Variants in TSC1 observed in about 807,000 individuals in gnomAD.
TSC1 encodes hamartin.
In TSC1, 20 loss-of-function variants were observed where a neutral mutation model predicts 124.3. The ratio of observed to expected loss-of-function variants is 0.16; its 90% CI spans 0.11 to 0.23. The LOEUF is 0.23. Ranked by LOEUF, TSC1 falls within the 10% of genes least tolerant of loss-of-function variation. The probability of loss-of-function intolerance (pLI) is 1.00; values close to 1 mark genes in which losing one functional copy is unlikely to be tolerated. For synonymous variants in TSC1, 493 were observed against 539.1 expected, an observed-to-expected ratio of 0.91 and a Z score of 1.19; for missense variants, 1,124 against 1,448.5, an observed-to-expected ratio of 0.78 and a Z score of 3.64.
chr9:132,942,209 A>C (rs576357266), intron 1 of TSC1: 23 of 152,370 alleles, frequency 1.5e-4, no homozygotes, highest in African/African-American at 5.3e-4. Flanking sequence ...CTATTTTAAG[A>C]AATACCTCTG....
rs1462840114 is a variant in TSC1 at position 132,894,840 on chromosome 9, G to A, written c.*1395C>T. 8.6e-6 allele frequency: 2 copies of A among 231,756 alleles called. No homozygotes were observed. Among genetic ancestry groups the A allele is most frequent in the African/African-American group, 4.4e-5 (2 of 45,262 alleles). The allele number at this position is 231,756 out of a possible 1,614,324, so 14.4% of individuals were successfully genotyped here. A position where few individuals can be genotyped will look rare whatever the true frequency, so the allele number is the denominator to read the frequency against. On this transcript the variant is annotated 3_prime_UTR_variant, in exon 23 of 23. Transcript: ENST00000298552. ...TGAAAGATAGAAACAGGAAAGCCAA[G>A]TTCACTGGCTCCTTCCTACCAAATC... is the stretch of plus-strand genomic sequence containing the variant.
chr9:132,929,322 T>G (rs191484415), intron 2 of TSC1, among the ~76,000 whole-genome samples: 1 of 152,286 alleles, frequency 6.6e-6, no homozygotes, highest in East Asian at 1.9e-4. Flanking sequence ...GCAGACAGTC[T>G]TTTTTCAGCA....
intron 1 of TSC1, chr9:132,944,008 A>G (rs1201092081): frequency 6.6e-6 from 1 of 152,478 alleles, no homozygotes; most frequent in African/African-American, 2.4e-5. Flanking sequence ...GTACACCCAG[A>G]GCGAGTCATG....
intron 1 of TSC1, among the ~76,000 whole-genome samples, chr9:132,939,801 A>G (rs1013573382): frequency 9.2e-5 from 14 of 152,212 alleles, no homozygotes; most frequent in Non-Finnish European, 4.4e-5. Flanking sequence ...AGTCTAGGGC[A>G]GTGGTTCTCA....
chr9:132,897,354 TAC>T lies in TSC1; in HGVS notation c.2814-11_2814-10del. ...CGGCCTGCAGCTGTCCTCTGAAAGA[TAC>T]AGACCAGCCAGAATATAGGAAGTTC... On this transcript the variant is annotated splice_polypyrimidine_tract_variant and intron_variant, in intron 21 of 22. Transcript: ENST00000298552. 1 of 1,614,176 alleles carries T rather than the reference TAC, an allele frequency of 6.2e-7. No individual in the cohort carries two copies. Among genetic ancestry groups the T allele is most frequent in the Non-Finnish European group, 8.5e-7 (1 of 1,180,034 alleles).
chr9:132,943,901 G>T (rs1847888942), intron 1 of TSC1: 1 of 152,168 alleles, frequency 6.6e-6, no homozygotes. Context: ...ATGAATGAAT[G>T]AACGCCTAGG....
At chr9:132,898,935 C>CT (rs548570630) in intron 20 of TSC1, 10 of 152,216 alleles carry the variant, frequency 6.6e-5, no homozygotes, top group Non-Finnish European at 1.2e-4. Context: ...TTTTCCTTTT[C>CT]TTTTTTTTGG....
At chr9:132,918,215 A>G (rs1197965227) in intron 8 of TSC1, among the ~76,000 whole-genome samples, 1 of 152,246 alleles carries the variant, frequency 6.6e-6, no homozygotes, top group African/African-American at 2.4e-5. Flanking sequence ...TTTGAAACTA[A>G]AAAACAGACA....
intron 20 of TSC1, chr9:132,899,286 A>C (rs1845249449): frequency 6.6e-6 from 1 of 152,236 alleles, no homozygotes. Context: ...TGGGGACATC[A>C]TTGTGTCTGC....
chr9:132,927,054 A>T, intron 4 of TSC1, 147 bp downstream of exon 4: 1 of 758,548 alleles, frequency 1.3e-6, no homozygotes, highest in Admixed American at 2.2e-5. Flanking sequence ...AGTAATTTTT[A>T]TATGTAGTTA....
chr9:132,921,685 G>C lies in TSC1; in HGVS notation c.663+134C>G, dbSNP rs1464271004. The C allele has an allele frequency of 1.6e-6, 2 of 1,217,212 alleles. No homozygotes were observed. The highest frequency in any genetic ancestry group is 3.6e-5 in the Admixed American group (2 of 54,864). 75.4% of individuals were successfully genotyped at this position (1,217,212 alleles called of 1,614,324 possible). A position where few individuals can be genotyped will look rare whatever the true frequency, so the allele number is the denominator to read the frequency against. On this transcript the variant is annotated intron_variant, in intron 7 of 22. Transcript: ENST00000298552. The surrounding 1 kb of genome is among the most constrained non-coding windows in gnomAD (Gnocchi z 4.3). ...CAGAAAACAGATTAGTGGCTGCCTA[G>C]GGATTGGAGTGGCGAGGAAGAAAAC...
At chr9:132,925,903 A>G in intron 4 of TSC1, 164 bp from the exon 5 acceptor site, 1 of 905,516 alleles carries the variant, frequency 1.1e-6, no homozygotes, top group Non-Finnish European at 1.7e-6. Context: ...CCACGTTAGC[A>G]AACAAAACAC....
At chr9:132,938,811 T>G (rs1469584098) in intron 1 of TSC1, among the ~76,000 whole-genome samples, 1 of 152,176 alleles carries the variant, frequency 6.6e-6, no homozygotes, top group Non-Finnish European at 1.5e-5. Flanking sequence ...TTATCTGAAA[T>G]TACAGGTGAA....
At chr9:132,929,772 T>C (rs559561415) in intron 2 of TSC1, among the ~76,000 whole-genome samples, 43 of 152,300 alleles carry the variant, frequency 2.8e-4, no homozygotes, top group African/African-American at 1.0e-3. Flanking sequence ...ATACTCCTAA[T>C]ATGACCACCA....
intron 8 of TSC1, chr9:132,912,841 A>C: frequency 4.1e-6 from 1 of 244,446 alleles, no homozygotes; most frequent in Non-Finnish European, 8.1e-6. Flanking sequence ...GCTGAGGCTG[A>C]CTTAAGGTCT....
At position 132,897,411 on chromosome 9, in the gene TSC1, G is replaced by C. The variant is rs761099396; in HGVS notation, c.2813+12C>G. On this transcript the variant is annotated intron_variant, in intron 21 of 22. Coordinates refer to ENST00000298552, the MANE Select transcript of TSC1 (RefSeq NM_000368.5). Reference sequence around the variant, plus strand: ...TAATAAAAACACAAAAGCCTTTCCTGATGAAAGTTACCTTGCCTGGAGTTT... The same window carrying C: ...TAATAAAAACACAAAAGCCTTTCCTCATGAAAGTTACCTTGCCTGGAGTTT... 1.2e-6 allele frequency: 2 copies of C among 1,614,142 alleles called. No individual in the cohort carries two copies. The highest frequency in any genetic ancestry group is 1.7e-6 in the Non-Finnish European group (2 of 1,180,036).
At chr9:132,944,708 G>A (rs1847993124), upstream of TSC1, 2 of 398,604 alleles carry the variant, frequency 5.0e-6, no homozygotes, top group African/African-American at 4.1e-5. Context: ...TTCTCGAAAG[G>A]AAGGATAGAC....
rs1456154364 is a variant in TSC1 at position 132,928,692 on chromosome 9, A to C, written c.106+75T>G. 2.5e-6 allele frequency: 4 copies of C among 1,583,546 alleles called. No individual in the cohort carries two copies. In the East Asian group the frequency reaches 9.0e-5, roughly 36 times the overall value. On this transcript the variant is annotated intron_variant, in intron 3 of 22. Transcript: ENST00000298552. ...CAGAAGATGAAAACTAAAATGTATC[A>C]GCAGGATTCTAGTGGCTCTAAAGTC...
At chr9:132,911,625 TAAAAAAAA>T (rs11364856) in intron 9 of TSC1, 57 bp from the exon 10 acceptor site, 1,850 of 168,022 alleles carry the variant, frequency 0.011, 2 homozygotes, top group Middle Eastern at 0.013. Context: ...TTATTCTGGT[TAAAAAAAA>T]AAAAAAAAAA....
Sources: gnomAD v4.1 joint callset for allele counts (sites outside exome capture counted in the v4.1 genomes callset) on GRCh38, gnomAD v4.1.1 for gene constraint, Gnocchi (gnomAD v3.1) non-coding constraint, MANE v1.5 for transcripts, NCBI Gene and HGNC (gene_info 2026-07-23, HGNC 2026-07-21) for gene names.